The following ABCA13 variants were observed in gnomAD, a reference collection of about 807,000 sequenced individuals.
The protein encoded by ABCA13 is ATP binding cassette subfamily A member 13.
A neutral mutation model predicts 478.7 loss-of-function variants in ABCA13; 476 were observed. The observed-to-expected ratio is 0.99, with a 90% confidence interval of 0.92 to 1.07. The LOEUF (loss-of-function observed/expected upper bound fraction) is 1.07. Ranked by LOEUF, ABCA13 falls within the 50% of genes least tolerant of loss-of-function variation. ABCA13 has a pLI of 0.00. For missense variants in ABCA13, 6,060 were observed against 5,910.6 expected (o/e 1.03, Z -0.83); for synonymous variants, 2,252 against 2,158.9 (o/e 1.04, Z -1.20).
At chr7:48,286,836 T>C (rs545120873) in intron 19 of ABCA13, among the ~76,000 whole-genome samples, 60 of 152,294 alleles carry the variant, frequency 3.9e-4, no homozygotes, top group Middle Eastern at 3.4e-3. Context: ...TGAGAAACAA[T>C]TTATTATTCA....
chr7:48,601,701 A>G (rs1301667106), intron 58 of ABCA13, among the ~76,000 whole-genome samples: 1 of 152,202 alleles, frequency 6.6e-6, no homozygotes, highest in Non-Finnish European at 1.5e-5. Flanking sequence ...ATGTGTCATC[A>G]TAGTAGAATA....
At chr7:48,370,774 A>C (rs1022026329) in intron 32 of ABCA13, among the ~76,000 whole-genome samples, 2 of 152,196 alleles carry the variant, frequency 1.3e-5, no homozygotes, top group Non-Finnish European at 2.9e-5. Context: ...TCTACATCAA[A>C]AAGTTTGAAA....
chr7:48,586,631 A>G (rs1789208403), intron 56 of ABCA13, among the ~76,000 whole-genome samples: 1 of 152,170 alleles, frequency 6.6e-6, no homozygotes, highest in South Asian at 2.1e-4. Flanking sequence ...GTTGGGTTCC[A>G]TGCTCACTAC....
chr7:48,264,185 T>C (rs1018895964), intron 15 of ABCA13, among the ~76,000 whole-genome samples: 5 of 152,086 alleles, frequency 3.3e-5, no homozygotes, highest in Admixed American at 3.3e-4. Context: ...TCACAGTTTG[T>C]CAATCCATTC....
At chr7:48,616,942 G>A (rs1185853315) in intron 59 of ABCA13, among the ~76,000 whole-genome samples, 1 of 152,110 alleles carries the variant, frequency 6.6e-6, no homozygotes, top group Non-Finnish European at 1.5e-5. Context: ...TAGGAGGTAG[G>A]AGAATCAGTT....
At chr7:48,262,463 T>C (rs1794326115) in intron 15 of ABCA13, among the ~76,000 whole-genome samples, 1 of 151,920 alleles carries the variant, frequency 6.6e-6, no homozygotes, top group African/African-American at 2.4e-5. Context: ...CTTTACCCTC[T>C]TTTGATTTCT....
chr7:48,424,264 A>G (rs1400938279), intron 41 of ABCA13, among the ~76,000 whole-genome samples: 1 of 152,234 alleles, frequency 6.6e-6, no homozygotes, highest in Non-Finnish European at 1.5e-5. Context: ...AGTATTTTGC[A>G]TCTCCTCATA....
chr7:48,404,824 A>C (rs117157899), intron 39 of ABCA13, among the ~76,000 whole-genome samples: 43 of 152,342 alleles, frequency 2.8e-4, no homozygotes, highest in Non-Finnish European at 5.1e-4. Flanking sequence ...AAAATAACAA[A>C]AGGGAGCATA....
At chr7:48,368,687 G>A (rs868607028) in intron 32 of ABCA13, among the ~76,000 whole-genome samples, 5 of 122,738 alleles carry the variant, frequency 4.1e-5, no homozygotes, top group African/African-American at 9.2e-5. Context: ...GTGTGTATGT[G>A]TATATATATA....
intron 59 of ABCA13, among the ~76,000 whole-genome samples, chr7:48,624,496 G>A (rs1047501180): frequency 4.0e-5 from 6 of 151,768 alleles, no homozygotes; most frequent in African/African-American, 1.5e-4. Flanking sequence ...TTATGATTTT[G>A]GGGTGAGGGA....
intron 52 of ABCA13, among the ~76,000 whole-genome samples, chr7:48,518,491 A>G (rs574958483): frequency 1.9e-4 from 29 of 152,268 alleles, no homozygotes; most frequent in African/African-American, 6.0e-4. Context: ...AAGCCTTGTT[A>G]CCTTTAATTA....
At chr7:48,609,245 G>A (rs867156076) in intron 58 of ABCA13, among the ~76,000 whole-genome samples, 4 of 152,084 alleles carry the variant, frequency 2.6e-5, no homozygotes, top group Admixed American at 6.5e-5. Context: ...ATTGTTCTCA[G>A]AAAGACTGCA....
intron 59 of ABCA13, among the ~76,000 whole-genome samples, chr7:48,616,596 G>T (rs182007781): frequency 6.6e-6 from 1 of 152,258 alleles, no homozygotes; most frequent in East Asian, 1.9e-4. Flanking sequence ...TGCCTACTTC[G>T]GAGTTTGGGT....
chr7:48,175,793 T>C (rs1794778774), intron 1 of ABCA13, among the ~76,000 whole-genome samples: 1 of 152,194 alleles, frequency 6.6e-6, no homozygotes, highest in East Asian at 1.9e-4. Context: ...TCCTCCTATC[T>C]AGCTGTAATT....
At chr7:48,208,204 A>G (rs1785174158) in intron 3 of ABCA13, among the ~76,000 whole-genome samples, 1 of 152,118 alleles carries the variant, frequency 6.6e-6, no homozygotes, top group Non-Finnish European at 1.5e-5. Flanking sequence ...GCTTTGTAGT[A>G]TATTTTGAAA....
At chr7:48,183,185 C>A (rs1207738241) in intron 1 of ABCA13, among the ~76,000 whole-genome samples, 1 of 152,136 alleles carries the variant, frequency 6.6e-6, no homozygotes, top group African/African-American at 2.4e-5. Flanking sequence ...GGCTCTCTTT[C>A]TTTCTTATTC....
At chr7:48,392,232 T>A in intron 38 of ABCA13, 93 bp downstream of exon 38, 4 of 1,177,408 alleles carry the variant, frequency 3.4e-6, no homozygotes, top group Non-Finnish European at 4.9e-6. Flanking sequence ...AAATCATCTG[T>A]GTCTACATTT....
Position 48,314,304 on chromosome 7 carries a change from G to T in ABCA13, c.9754G>T (p.Asp3252Tyr), listed in dbSNP as rs200330199. 6.2e-7 allele frequency: 1 copy of T among 1,613,682 alleles called. No individual in the cohort carries two copies. Among genetic ancestry groups the T allele is most frequent in the Admixed American group, 1.7e-5 (1 of 59,986 alleles). Residue 3252 changes from aspartate to tyrosine, a missense_variant, in exon 26 of 62, where the codon GAC (aspartate) becomes TAC (tyrosine). By Grantham distance (160) the Asp-to-Tyr change is radical. Transcript: ENST00000435803. ...GTTTGTGATGAAGATGGTTTGCAAG[G>T]ACCAAGCATCATTCCTTAGCGATTC... ...FQFVMKMVCK[D>Y]QASFLSDSNM...
At chr7:48,558,941 C>T (rs911442826) in intron 55 of ABCA13, among the ~76,000 whole-genome samples, 6 of 152,196 alleles carry the variant, frequency 3.9e-5, no homozygotes, top group Non-Finnish European at 8.8e-5. Context: ...GAAGGCTGGG[C>T]TACTGTCATA....
Sources: gnomAD v4.1 joint callset for allele counts (sites outside exome capture counted in the v4.1 genomes callset) on GRCh38, gnomAD v4.1.1 for gene constraint, MANE v1.5 for transcripts, NCBI Gene and HGNC (gene_info 2026-07-23, HGNC 2026-07-21) for gene names.